The following PTPN2 variants were observed in gnomAD, a reference collection of about 807,000 sequenced individuals.
The protein encoded by PTPN2 is protein tyrosine phosphatase non-receptor type 2, also known as tyrosine-protein phosphatase non-receptor type 2.
Under a neutral mutation model 57.3 loss-of-function variants are expected in PTPN2, and 19 were observed. The ratio of observed to expected loss-of-function variants is 0.33; its 90% confidence interval spans 0.23 to 0.49. The LOEUF (loss-of-function observed/expected upper bound fraction) is 0.49, where lower values mean the gene tolerates loss of function less well. PTPN2 is among the 20% of genes least tolerant of loss of function. PTPN2 has a pLI of 0.99. For missense variants in PTPN2, 358 were observed against 501.1 expected, an observed-to-expected ratio of 0.71 and a Z score of 2.73; for synonymous variants, 153 against 164.9, an observed-to-expected ratio of 0.93 and a Z score of 0.55.
At chr18:12,866,477 C>CAAAACA (rs971972083) in intron 1 of PTPN2, among the ~76,000 whole-genome samples, 2 of 131,108 alleles carry the variant, frequency 1.5e-5, no homozygotes, top group Non-Finnish European at 3.2e-5. Flanking sequence ...CAAAACAAAA[C>CAAAACA]AAAAAAACAG....
chr18:12,809,359 T>C (rs531046215), intron 7 of PTPN2, among the ~76,000 whole-genome samples: 1 of 152,010 alleles, frequency 6.6e-6, no homozygotes, highest in Admixed American at 6.6e-5. Flanking sequence ...GGAAGAAGAG[T>C]GTATCTGGGC....
Position 12,793,264 on chromosome 18 carries a change from T to A in PTPN2, c.*1014A>T, listed in dbSNP as rs751821303. 5.1e-6 allele frequency: 5 copies of A among 973,502 alleles called. No homozygotes were observed. The highest frequency in any genetic ancestry group is 6.1e-6 in the Non-Finnish European group (5 of 818,890). 60.3% of individuals were successfully genotyped at this position (973,502 alleles called of 1,614,324 possible). A position where few individuals can be genotyped will look rare whatever the true frequency, so the allele number is the denominator to read the frequency against. On this transcript the variant is annotated 3_prime_UTR_variant, in exon 9 of 9. Coordinates refer to ENST00000309660, the MANE Select transcript of PTPN2 (RefSeq NM_002828.4). Reference sequence around the variant, plus strand: ...ATGACAATGTAAGGTTTGCATATAATCATACTATTTATTGAAGTAGAAAGA... The same window carrying A: ...ATGACAATGTAAGGTTTGCATATAAACATACTATTTATTGAAGTAGAAAGA...
In PTPN2 at chr18:12,870,415, G is replaced by A. The variant is rs12958763; in HGVS notation, c.70-11161C>T. Among the ~76,000 whole-genome samples, 14 of 44,302 alleles carry A rather than the reference G, an allele frequency of 3.2e-4. 1 individual carries two copies. The highest frequency in any genetic ancestry group is 4.8e-4 in the Non-Finnish European group (13 of 27,060). The allele number at this position is 44,302 out of a possible 152,430, so 29.1% of individuals were successfully genotyped here. A position where few individuals can be genotyped will look rare whatever the true frequency, so the allele number is the denominator to read the frequency against. ...TATGTATATATACACGTATATATAT[G>A]TATATATATACGTATATATATATGT... is the stretch of plus-strand genomic sequence containing the variant. On this transcript the variant is annotated intron_variant, in intron 1 of 8. Transcript: ENST00000309660.
At chr18:12,841,057 G>A in intron 2 of PTPN2, 3 of 1,241,312 alleles carry the variant, frequency 2.4e-6, no homozygotes, top group African/African-American at 1.5e-5. Context: ...CTTTTAAAAA[G>A]GAAAAAAGAA....
downstream of PTPN2, among the ~76,000 whole-genome samples, chr18:12,789,610 T>C (rs976568217): frequency 6.6e-6 from 1 of 152,192 alleles, no homozygotes; most frequent in African/African-American, 2.4e-5. Context: ...ACATCTCCCC[T>C]GCAGGGTGCA....
At chr18:12,859,454 T>C (rs2043711807) in intron 1 of PTPN2, among the ~76,000 whole-genome samples, 200 bp from the exon 2 acceptor site, 1 of 152,184 alleles carries the variant, frequency 6.6e-6, no homozygotes. Context: ...CTGTGAGGGA[T>C]GAAAGGCTTT....
chr18:12,808,317 TTAAA>T (rs34471627), intron 7 of PTPN2, among the ~76,000 whole-genome samples: 44,160 of 151,822 alleles, frequency 0.29, 7,331 homozygotes, highest in Admixed American at 0.4. Flanking sequence ...TAATATATAA[TTAAA>T]TAGAGATTTC....
chr18:12,798,158 C>T (rs2145233321), intron 8 of PTPN2, among the ~76,000 whole-genome samples: 1 of 152,224 alleles, frequency 6.6e-6, no homozygotes, highest in Admixed American at 6.5e-5. Flanking sequence ...AACAGAGTAA[C>T]CTCACACACA....
intron 1 of PTPN2, among the ~76,000 whole-genome samples, chr18:12,876,534 A>C (rs1250747123): frequency 5.3e-5 from 8 of 152,240 alleles, no homozygotes; most frequent in African/African-American, 1.7e-4. Context: ...GCTAGGAGAC[A>C]AACGCAACTA....
Position 12,843,238 on chromosome 18 carries a change from CAG to C in PTPN2, c.161-6349_161-6348del, listed in dbSNP as rs765061872. ...CGACAGTCCTATGATAAGGGGCACT[CAG>C]GGGTCTGTTTTCTTGTCTGTCAAAA... On this transcript the variant is annotated intron_variant, in intron 2 of 8. Transcript: ENST00000309660. Among the ~76,000 whole-genome samples the C allele has an allele frequency of 3.8e-4, 58 of 152,228 alleles. 1 individual carries two copies. Among genetic ancestry groups the C allele is most frequent in the Admixed American group, 2.2e-3 (33 of 15,288 alleles).
chr18:12,868,503 G>A (rs749250782), intron 1 of PTPN2, among the ~76,000 whole-genome samples: 92 of 151,902 alleles, frequency 6.1e-4, no homozygotes, highest in Non-Finnish European at 4.9e-4. Flanking sequence ...TGATCCGCCC[G>A]CCTTGGCCTC....
At chr18:12,830,154 G>A (rs1198532136) in intron 4 of PTPN2, among the ~76,000 whole-genome samples, 1 of 151,314 alleles carries the variant, frequency 6.6e-6, no homozygotes, top group African/African-American at 2.4e-5. Flanking sequence ...CCAGGCTGCA[G>A]TGCAGTGGGT....
chr18:12,867,313 T>C (rs185270149), intron 1 of PTPN2, among the ~76,000 whole-genome samples: 39 of 151,616 alleles, frequency 2.6e-4, no homozygotes, highest in African/African-American at 8.8e-4. Flanking sequence ...AGTGAGAACC[T>C]GTCTCAATAA....
chr18:12,814,008 C>A (rs1184556316), intron 7 of PTPN2, among the ~76,000 whole-genome samples, 195 bp downstream of exon 7: 1 of 152,178 alleles, frequency 6.6e-6, no homozygotes, highest in Non-Finnish European at 1.5e-5. Context: ...AAGTAACACA[C>A]AGGATTTAAC....
chr18:12,874,318 G>A (rs1222599195), intron 1 of PTPN2, among the ~76,000 whole-genome samples: 1 of 123,918 alleles, frequency 8.1e-6, no homozygotes, highest in Non-Finnish European at 1.7e-5. Flanking sequence ...TCAGCCCCCC[G>A]CTTGGCCAGC....
chr18:12,840,688 T>C (rs762417729), intron 2 of PTPN2: 3 of 1,596,642 alleles, frequency 1.9e-6, no homozygotes, highest in Admixed American at 1.7e-5. Flanking sequence ...AAATGAAACC[T>C]AGATTTGTGC....
intron 8 of PTPN2, among the ~76,000 whole-genome samples, chr18:12,800,627 G>T (rs2041382019): frequency 6.6e-6 from 1 of 151,840 alleles, no homozygotes; most frequent in African/African-American, 2.4e-5. Flanking sequence ...TAAAATTTCA[G>T]GTATTTAATT....
In PTPN2 at chr18:12,825,867, C is replaced by A. The variant is rs148072900; in HGVS notation, c.438G>T (p.Leu146Phe). The change falls in exon 5 of 9, where the codon TTG (leucine) becomes TTT (phenylalanine). Residue 146 changes from leucine (L) to phenylalanine (F), a missense_variant. Physicochemically the swap from Leu to Phe is conservative, Grantham distance 22. Transcript: ENST00000309660. ...FKETGFSVKLLSEDVKSYYTV... is the reference protein window; with the variant it reads ...FKETGFSVKLFSEDVKSYYTV... Reference sequence around the variant, plus strand: ...TATAATACGACTTCACATCTTCTGACAAGAGCTTCACACTGAATCCTGTTT... The same window carrying A: ...TATAATACGACTTCACATCTTCTGAAAAGAGCTTCACACTGAATCCTGTTT... 6.2e-7 allele frequency: 1 copy of A among 1,611,156 alleles called. No individual in the cohort carries two copies. Among genetic ancestry groups the A allele is most frequent in the Non-Finnish European group, 8.5e-7 (1 of 1,178,480 alleles).
chr18:12,792,102 C>G, downstream of PTPN2: 2 of 582,370 alleles, frequency 3.4e-6, no homozygotes, highest in Non-Finnish European at 4.3e-6. Context: ...TACCTCCTCT[C>G]CATTTCAAGG....
Sources: gnomAD v4.1 joint callset for allele counts (sites outside exome capture counted in the v4.1 genomes callset) on GRCh38, gnomAD v4.1.1 for gene constraint, MANE v1.5 for transcripts, NCBI Gene and HGNC (gene_info 2026-07-23, HGNC 2026-07-21) for gene names.